Variants in GRIK4 observed in about 807,000 individuals in gnomAD.
The protein encoded by GRIK4 is glutamate ionotropic receptor kainate type subunit 4.
GRIK4 carries 40 observed loss-of-function variants against 104.9 expected under a neutral mutation model. The ratio of observed to expected loss-of-function variants is 0.38; its 90% CI spans 0.30 to 0.50. The LOEUF (loss-of-function observed/expected upper bound fraction) is 0.50, where lower values mean the gene tolerates loss of function less well. Among genes scored for constraint, GRIK4 ranks in the 20% least tolerant of loss-of-function variants. The pLI, the probability that GRIK4 is intolerant of heterozygous loss-of-function variation, is 0.93. For synonymous variants in GRIK4, 485 were observed against 524.9 expected (o/e 0.92, Z 1.04); for missense variants, 1,047 against 1,308.1 (o/e 0.80, Z 3.08).
At chr11:120,955,429 G>C (rs1305299212) in intron 15 of GRIK4, among the ~76,000 whole-genome samples, 1 of 152,260 alleles carries the variant, frequency 6.6e-6, no homozygotes, top group African/African-American at 2.4e-5. Context: ...GGACGGGAAA[G>C]AGCAGTGTGA....
chr11:120,950,716 G>A (rs149399482), intron 14 of GRIK4, among the ~76,000 whole-genome samples: 4 of 152,278 alleles, frequency 2.6e-5, no homozygotes, highest in South Asian at 2.1e-4. Context: ...GTGTCTTCCT[G>A]TGTCTGCCTC....
intron 7 of GRIK4, among the ~76,000 whole-genome samples, chr11:120,836,535 A>G (rs1953578746): frequency 6.6e-6 from 1 of 152,222 alleles, no homozygotes; most frequent in Non-Finnish European, 1.5e-5. Context: ...GTGTACAAGA[A>G]CACCAGCTAC....
chr11:120,839,606 A>G (rs7949440), intron 8 of GRIK4, among the ~76,000 whole-genome samples: 124,047 of 152,218 alleles, frequency 0.81, 50,599 homozygotes, highest in East Asian at 0.84. Flanking sequence ...GCCATGCATG[A>G]CCTGTGAAAG....
chr11:120,819,668 C>T lies in GRIK4; in HGVS notation c.346-87C>T, dbSNP rs1953058012. 7 of 1,303,134 alleles carry T rather than the reference C, an allele frequency of 5.4e-6. No individual in the cohort carries two copies. Among genetic ancestry groups the T allele is most frequent in the Non-Finnish European group, 6.6e-6 (6 of 906,302 alleles). The allele number at this position is 1,303,134 out of a possible 1,614,324, so 80.7% of individuals were successfully genotyped here. ...AAGGTGTTACATAAAAGAACTCACC[C>T]TCCACAACCTCAGCTCACTCATCCC... is the stretch of plus-strand genomic sequence containing the variant. On this transcript the variant is annotated intron_variant, in intron 5 of 20. Coordinates refer to ENST00000527524, the MANE Select transcript of GRIK4 (RefSeq NM_014619.5). The surrounding 1 kb of genome is among the most constrained non-coding windows in gnomAD (Gnocchi z 4.3).
chr11:120,919,913 A>C (rs1943190978), intron 13 of GRIK4, among the ~76,000 whole-genome samples: 1 of 152,114 alleles, frequency 6.6e-6, no homozygotes, highest in African/African-American at 2.4e-5. Context: ...GAGTAGCTTT[A>C]GACGGCAGAG....
At chr11:120,809,881 T>C (rs778114325) in intron 4 of GRIK4, among the ~76,000 whole-genome samples, 1 of 152,130 alleles carries the variant, frequency 6.6e-6, no homozygotes, top group Non-Finnish European at 1.5e-5. Context: ...GCCTGGGCGA[T>C]GTAGTGGGGC....
At chr11:120,551,144 C>G (rs1313503941) in intron 1 of GRIK4, among the ~76,000 whole-genome samples, 1 of 152,082 alleles carries the variant, frequency 6.6e-6, no homozygotes, top group Non-Finnish European at 1.5e-5. Context: ...GGGCAGAGAA[C>G]ATGAGATGAG....
chr11:120,525,980 A>G (rs888699826), intron 1 of GRIK4, among the ~76,000 whole-genome samples: 18 of 152,190 alleles, frequency 1.2e-4, no homozygotes, highest in Non-Finnish European at 2.6e-4. Context: ...CACCTGTGAA[A>G]GGGCTTCTTA....
chr11:120,832,600 G>A (rs754468635), intron 7 of GRIK4, among the ~76,000 whole-genome samples: 18 of 152,266 alleles, frequency 1.2e-4, no homozygotes, highest in African/African-American at 2.9e-4. Context: ...GAACAGATGC[G>A]TCCAAGGCCC....
chr11:120,677,785 A>G (rs767997492), intron 3 of GRIK4, among the ~76,000 whole-genome samples: 8 of 152,224 alleles, frequency 5.3e-5, no homozygotes, highest in Non-Finnish European at 8.8e-5. Context: ...GTTGCTGCCT[A>G]GAGCAGAGTA....
At chr11:120,912,902 G>A (rs763760362) in intron 13 of GRIK4, among the ~76,000 whole-genome samples, 2 of 152,160 alleles carry the variant, frequency 1.3e-5, no homozygotes, top group Non-Finnish European at 2.9e-5. Flanking sequence ...ATTCAGAAAA[G>A]GGTTTTGGAG....
chr11:120,935,802 C>T (rs1278280157), intron 13 of GRIK4, among the ~76,000 whole-genome samples: 1 of 152,184 alleles, frequency 6.6e-6, no homozygotes. Flanking sequence ...CAACCCCATA[C>T]TGTGCCAGGC....
chr11:120,743,315 T>C (rs947696450), intron 3 of GRIK4, among the ~76,000 whole-genome samples: 1 of 151,430 alleles, frequency 6.6e-6, no homozygotes, highest in Non-Finnish European at 1.5e-5. Flanking sequence ...AGCAAACAAA[T>C]GCAGGAACAG....
intron 1 of GRIK4, among the ~76,000 whole-genome samples, chr11:120,652,448 G>T (rs978826127): frequency 6.6e-6 from 1 of 152,112 alleles, no homozygotes; most frequent in Non-Finnish European, 1.5e-5. Flanking sequence ...GGCCACAAGG[G>T]TTGATTCTCC....
chr11:120,828,794 G>T (rs1230555455), intron 6 of GRIK4, among the ~76,000 whole-genome samples: 1 of 152,198 alleles, frequency 6.6e-6, no homozygotes, highest in Admixed American at 6.5e-5. Context: ...ATGGGATGGG[G>T]AATGATGCTG....
At chr11:120,786,377 A>G (rs1307904252) in intron 3 of GRIK4, among the ~76,000 whole-genome samples, 2 of 152,346 alleles carry the variant, frequency 1.3e-5, no homozygotes, top group East Asian at 1.9e-4. Flanking sequence ...TGGTATCCAC[A>G]TATTCCACAA....
intron 13 of GRIK4, among the ~76,000 whole-genome samples, chr11:120,924,553 G>A (rs1296675612): frequency 1.6e-5 from 2 of 125,528 alleles, no homozygotes; most frequent in Admixed American, 7.4e-5. Context: ...ACCCTTAGCG[G>A]CATCCTGAAG....
chr11:120,853,528 C>T (rs1035455709), intron 8 of GRIK4, among the ~76,000 whole-genome samples: 4 of 152,094 alleles, frequency 2.6e-5, no homozygotes, highest in Non-Finnish European at 2.9e-5. Context: ...CCTCAAATGA[C>T]AATAAATGAG....
chr11:120,518,192 G>A (rs946005194), intron 1 of GRIK4, among the ~76,000 whole-genome samples: 2 of 152,156 alleles, frequency 1.3e-5, no homozygotes, highest in African/African-American at 2.4e-5. Context: ...TCCAGATCAG[G>A]TACATAGGAC....
Sources: gnomAD v4.1 joint callset for allele counts (sites outside exome capture counted in the v4.1 genomes callset) on GRCh38, gnomAD v4.1.1 for gene constraint, Gnocchi (gnomAD v3.1) non-coding constraint, MANE v1.5 for transcripts, NCBI Gene and HGNC (gene_info 2026-07-23, HGNC 2026-07-21) for gene names.